TOX: variants seen among roughly 807,000 people sequenced by gnomAD.
TOX encodes the protein thymocyte selection associated high mobility group box.
Under a neutral mutation model 53.7 loss-of-function variants are expected in TOX, and 11 were observed. The observed-to-expected ratio is 0.20, with a 90% CI of 0.13 to 0.34. The LOEUF (loss-of-function observed/expected upper bound fraction) is 0.34. Ranked by LOEUF, TOX falls within the 10% of genes least tolerant of loss-of-function variation. The probability of loss-of-function intolerance (pLI) is 1.00; values close to 1 mark genes in which losing one functional copy is unlikely to be tolerated. For synonymous variants in TOX, 225 were observed against 245.3 expected (o/e 0.92, Z 0.77); for missense variants, 570 against 664.6 (o/e 0.86, Z 1.56).
intron 1 of TOX, among the ~76,000 whole-genome samples, chr8:59,032,717 C>T (rs1814380523): frequency 6.6e-6 from 1 of 152,126 alleles, no homozygotes; most frequent in Admixed American, 6.6e-5. Context: ...TAATAAGAAA[C>T]TGCTGGGCAC....
intron 3 of TOX, among the ~76,000 whole-genome samples, chr8:58,906,247 A>G (rs1471083880): frequency 4.6e-5 from 7 of 152,216 alleles, no homozygotes; most frequent in African/African-American, 1.7e-4. Flanking sequence ...GTGCAAAAAC[A>G]GTATCTTAGT....
Position 58,963,298 on chromosome 8 carries a change from GATAGATAGATATATAT to G in TOX, c.103-3306_103-3291del, listed in dbSNP as rs1178679166. Among the ~76,000 whole-genome samples the G allele has an allele frequency of 3.7e-3, 303 of 81,792 alleles. 1 individual carries two copies. Among genetic ancestry groups the G allele is most frequent in the Middle Eastern group, 0.012 (2 of 168 alleles). 53.7% of individuals were successfully genotyped at this position (81,792 alleles called of 152,430 possible). Reference sequence around the variant, plus strand: ...AATCTCTTTTGATAGATAGAAGATAGATAGATAGATATATATATAGATAGATAGATAGATAGATAGA... The same window carrying G: ...AATCTCTTTTGATAGATAGAAGATAGATAGATAGATAGATAGATAGATAGA... On this transcript the variant is annotated intron_variant, in intron 1 of 8. Transcript: ENST00000361421.
At chr8:58,870,840 G>T (rs552278511) in intron 3 of TOX, among the ~76,000 whole-genome samples, 1 of 152,002 alleles carries the variant, frequency 6.6e-6, no homozygotes, top group Admixed American at 6.6e-5. Flanking sequence ...CCTACCCCAG[G>T]CCCCAAAAGA....
At chr8:58,962,159 G>T (rs983688703) in intron 1 of TOX, among the ~76,000 whole-genome samples, 9 of 152,046 alleles carry the variant, frequency 5.9e-5, no homozygotes, top group African/African-American at 1.7e-4. Flanking sequence ...TGAAGTTTTG[G>T]GTTGAGTCTA....
At chr8:59,115,112 T>C (rs946524110) in intron 1 of TOX, among the ~76,000 whole-genome samples, 1 of 152,162 alleles carries the variant, frequency 6.6e-6, no homozygotes, top group Non-Finnish European at 1.5e-5. Context: ...GTTTTGGACT[T>C]CCCTGTTTCT....
intron 4 of TOX, among the ~76,000 whole-genome samples, chr8:58,841,921 T>C (rs1054903681): frequency 6.6e-6 from 1 of 152,222 alleles, no homozygotes; most frequent in African/African-American, 2.4e-5. Context: ...TCATTTTAAA[T>C]TTTAATTAAA....
intron 3 of TOX, among the ~76,000 whole-genome samples, chr8:58,877,446 A>G (rs1811304949): frequency 6.6e-6 from 1 of 152,228 alleles, no homozygotes; most frequent in African/African-American, 2.4e-5. Flanking sequence ...GTGCTTCCTC[A>G]ATTCTGAATT....
At chr8:58,826,754 T>TA in intron 6 of TOX, 68 bp downstream of exon 6, 1 of 1,382,300 alleles carries the variant, frequency 7.2e-7, no homozygotes, top group South Asian at 1.4e-5. Context: ...TTTATGCCTT[T>TA]AAGTGACTAT....
chr8:58,974,145 G>A (rs770000222), intron 1 of TOX, among the ~76,000 whole-genome samples: 7 of 152,156 alleles, frequency 4.6e-5, no homozygotes, highest in Non-Finnish European at 1.0e-4. Flanking sequence ...CCTGGGGAGG[G>A]CACTTAACAT....
chr8:59,035,233 A>G (rs1437735902), intron 1 of TOX, among the ~76,000 whole-genome samples: 4 of 152,204 alleles, frequency 2.6e-5, no homozygotes, highest in Admixed American at 6.5e-5. Context: ...AAATCCATAA[A>G]CTTAATCCAA....
intron 7 of TOX, among the ~76,000 whole-genome samples, chr8:58,812,435 G>C (rs1023664374): frequency 3.3e-5 from 5 of 152,066 alleles, no homozygotes; most frequent in African/African-American, 7.2e-5. Flanking sequence ...CTCCCAGCTA[G>C]AGTCCCCTTT....
intron 3 of TOX, among the ~76,000 whole-genome samples, chr8:58,936,629 T>C (rs565398411): frequency 6.6e-5 from 10 of 152,222 alleles, no homozygotes; most frequent in African/African-American, 2.4e-4. Context: ...AGACAAAAGA[T>C]AGCTCCTGAT....
chr8:58,828,507 A>T (rs139393538), intron 5 of TOX, among the ~76,000 whole-genome samples: 71 of 152,284 alleles, frequency 4.7e-4, no homozygotes, highest in Admixed American at 5.2e-4. Context: ...TTAAGCACAA[A>T]GCCAAGAAAT....
At chr8:58,846,771 A>G (rs1444789197) in intron 4 of TOX, among the ~76,000 whole-genome samples, 2 of 152,146 alleles carry the variant, frequency 1.3e-5, no homozygotes, top group Non-Finnish European at 2.9e-5. Flanking sequence ...TAAGAGTGCA[A>G]TAGACAGAAG....
chr8:58,956,220 C>A (rs139792460), intron 2 of TOX, among the ~76,000 whole-genome samples: 1 of 152,280 alleles, frequency 6.6e-6, no homozygotes, highest in Non-Finnish European at 1.5e-5. Context: ...ACAACAGCCT[C>A]ATATAAAGGA....
intron 1 of TOX, among the ~76,000 whole-genome samples, chr8:59,069,211 G>C (rs1337933001): frequency 1.3e-5 from 2 of 152,156 alleles, no homozygotes; most frequent in Admixed American, 1.3e-4. Flanking sequence ...GCAAATAAGA[G>C]AGAAATTAAG....
At position 59,077,264 on chromosome 8, in the gene TOX, A is replaced by G. The variant is rs369515823; in HGVS notation, c.102+41622T>C. 3.3e-4 allele frequency among the ~76,000 whole-genome samples: 50 copies of G among 152,342 alleles called. No homozygotes were observed. In the East Asian group the frequency reaches 6.0e-3, roughly 18 times the overall value. ...GGAGTGCATGCTCTTTATTCTGCCA[A>G]TGAACACACTACTTCCTAACCCTGT... On this transcript the variant is annotated intron_variant, in intron 1 of 8. Transcript: ENST00000361421.
At chr8:58,951,764 T>C (rs1812625672) in intron 2 of TOX, among the ~76,000 whole-genome samples, 1 of 152,222 alleles carries the variant, frequency 6.6e-6, no homozygotes, top group African/African-American at 2.4e-5. Flanking sequence ...GATCAGGCTA[T>C]CACATTTGAA....
chr8:59,000,435 G>A (rs1316780862), intron 1 of TOX, among the ~76,000 whole-genome samples: 3 of 152,132 alleles, frequency 2.0e-5, no homozygotes, highest in Non-Finnish European at 2.9e-5. Flanking sequence ...AAAAAAATGA[G>A]CTGGATGCTA....
Sources: allele counts gnomAD v4.1 joint callset (sites outside exome capture counted in the v4.1 genomes callset), GRCh38; gene constraint gnomAD v4.1.1; transcripts MANE v1.5; gene names NCBI Gene and HGNC (gene_info 2026-07-23, HGNC 2026-07-21).